Variants in SPMIP4 observed in about 807,000 individuals in gnomAD.
The protein encoded by SPMIP4 is sperm-associated microtubule inner protein 4.
At chr7:25,133,193 C>A in the SPMIP4 span, among the ~76,000 whole-genome samples, 1 of 152,084 alleles carries the variant, frequency 6.6e-6, no homozygotes, top group Non-Finnish European at 1.5e-5. Flanking sequence ...CATATTTGGA[C>A]ATTTTCAGGA....
chr7:25,143,980 G>A, the SPMIP4 span, among the ~76,000 whole-genome samples: 1 of 152,216 alleles, frequency 6.6e-6, no homozygotes, highest in Non-Finnish European at 1.5e-5. Flanking sequence ...AACAGGGAGG[G>A]AGGGTGAAGA....
the SPMIP4 span, among the ~76,000 whole-genome samples, chr7:25,154,400 T>C: frequency 1.1e-4 from 16 of 152,320 alleles, no homozygotes; most frequent in Non-Finnish European, 1.9e-4. Context: ...CGCACATGTG[T>C]AGGACTCCTC....
the SPMIP4 span, chr7:25,151,754 A>C: frequency 1.2e-6 from 1 of 800,080 alleles, no homozygotes; most frequent in African/African-American, 1.7e-5. Context: ...ATAAATAGAA[A>C]TGAGATAATA....
At chr7:25,149,194 C>T in the SPMIP4 span, among the ~76,000 whole-genome samples, 1 of 152,050 alleles carries the variant, frequency 6.6e-6, no homozygotes, top group Admixed American at 6.6e-5. Context: ...TTAACAATTC[C>T]CCCTTTCTGG....
the SPMIP4 span, chr7:25,180,128 C>T: frequency 2.0e-5 from 3 of 151,706 alleles, no homozygotes; most frequent in African/African-American, 7.3e-5. Flanking sequence ...GGCGGGCAGG[C>T]CGGGGTGGGG....
the SPMIP4 span, among the ~76,000 whole-genome samples, chr7:25,144,964 T>A: frequency 6.6e-6 from 1 of 151,548 alleles, no homozygotes; most frequent in African/African-American, 2.4e-5. Context: ...AGGACTGTTT[T>A]TTTTTTTTTG....
At chr7:25,136,252 G>A in the SPMIP4 span, 1 of 1,614,020 alleles carries the variant, frequency 6.2e-7, no homozygotes, top group African/African-American at 1.3e-5. The surrounding 1 kb of genome is among the most constrained non-coding windows in gnomAD (Gnocchi z 5.7). Flanking sequence ...TAAAGTGAAA[G>A]CTTCCGTGTC....
the SPMIP4 span, among the ~76,000 whole-genome samples, chr7:25,147,573 C>T: frequency 1.2e-4 from 19 of 152,090 alleles, no homozygotes; most frequent in Admixed American, 1.2e-3. Flanking sequence ...CTGCTGCATC[C>T]ACATGCAACG....
chr7:25,179,935 T>C, the SPMIP4 span: 1 of 152,424 alleles, frequency 6.6e-6, no homozygotes, highest in Non-Finnish European at 1.5e-5. Context: ...GGGCTGTCAC[T>C]GCCCTGCAAG....
chr7:25,165,750 G>A, the SPMIP4 span, among the ~76,000 whole-genome samples: 1 of 152,240 alleles, frequency 6.6e-6, no homozygotes, highest in Non-Finnish European at 1.5e-5. Context: ...TAAATCTGGG[G>A]TGGAGGCTGA....
At chr7:25,155,052 A>C in the SPMIP4 span, 5 of 1,614,068 alleles carry the variant, frequency 3.1e-6, no homozygotes, top group Non-Finnish European at 4.2e-6. Context: ...CTTGGTTGGC[A>C]CCGTGGGAGG....
At chr7:25,151,324 C>T in the SPMIP4 span, among the ~76,000 whole-genome samples, 1 of 151,386 alleles carries the variant, frequency 6.6e-6, no homozygotes, top group African/African-American at 2.4e-5. Context: ...CAGGTTCAAG[C>T]GATTCTCATG....
At chr7:25,127,432 GCTCA>G in the SPMIP4 span, among the ~76,000 whole-genome samples, 1 of 152,060 alleles carries the variant, frequency 6.6e-6, no homozygotes, top group African/African-American at 2.4e-5. Context: ...CCATCTTCAA[GCTCA>G]CTAATTCTTC....
At chr7:25,140,044 T>G in the SPMIP4 span, among the ~76,000 whole-genome samples, 2 of 152,242 alleles carry the variant, frequency 1.3e-5, no homozygotes, top group Non-Finnish European at 2.9e-5. Context: ...TAATGGAATA[T>G]GTATTTTGTA....
the SPMIP4 span, among the ~76,000 whole-genome samples, chr7:25,156,909 G>C: frequency 2.0e-5 from 3 of 152,034 alleles, no homozygotes; most frequent in Non-Finnish European, 4.4e-5. Flanking sequence ...GGCTGGTCTT[G>C]AACTCCTGAC....
the SPMIP4 span, chr7:25,158,653 A>C: frequency 5.4e-6 from 4 of 744,900 alleles, no homozygotes; most frequent in Non-Finnish European, 9.0e-6. Context: ...TAATCCCAGC[A>C]CTTTGGGAGG....
At chr7:25,157,871 A>C in the SPMIP4 span, among the ~76,000 whole-genome samples, 2 of 152,236 alleles carry the variant, frequency 1.3e-5, no homozygotes, top group African/African-American at 4.8e-5. Flanking sequence ...CAAATGTGCC[A>C]TATTAATGTG....
the SPMIP4 span, chr7:25,135,912 TTC>T: frequency 5.3e-6 from 8 of 1,518,632 alleles, no homozygotes; most frequent in Admixed American, 4.5e-5. Context: ...ACGAAGGAAA[TTC>T]TGTTATATTT....
the SPMIP4 span, chr7:25,136,424 A>C: frequency 1.9e-6 from 3 of 1,614,132 alleles, no homozygotes; most frequent in Non-Finnish European, 2.5e-6. This position sits in a 1 kb window ranked among gnomAD's most constrained non-coding sequence, Gnocchi z 5.7. Flanking sequence ...CTCCAGTATA[A>C]ATCTTCTGTC....
Sources: allele counts gnomAD v4.1 joint callset (sites outside exome capture counted in the v4.1 genomes callset), GRCh38; gene constraint gnomAD v4.1.1; non-coding constraint Gnocchi (gnomAD v3.1); transcripts MANE v1.5; gene names NCBI Gene and HGNC (gene_info 2026-07-23, HGNC 2026-07-21).